KANSL2: variants seen among roughly 807,000 people sequenced by gnomAD.
The protein encoded by KANSL2 is NSL complex protein NSL2.
KANSL2 carries 34 observed loss-of-function variants against 55.6 expected under a neutral mutation model. That is an observed-to-expected ratio of 0.61 (90% CI 0.46 to 0.81). KANSL2 has a LOEUF of 0.81. Ranked by LOEUF, KANSL2 falls within the 40% of genes least tolerant of loss-of-function variation. The pLI, the probability that KANSL2 is intolerant of heterozygous loss-of-function variation, is 0.00. For missense variants in KANSL2, 502 were observed against 609.9 expected (o/e 0.82, Z 1.86); for synonymous variants, 209 against 214.3 (o/e 0.98, Z 0.22).
chr12:48,679,764 G>C lies in KANSL2; in HGVS notation c.321C>G (p.Asn107Lys). The change falls in exon 3 of 10, where the codon AAC becomes AAG. Residue 107 changes from asparagine to lysine, a missense_variant. Coordinates refer to ENST00000420613, the MANE Select transcript of KANSL2 (RefSeq NM_017822.4). ...GGAGTGTTTCACCCACAGGCCCTGG[G>C]TTGGTCTTCTTCATTTGAGCATGAA... ...LALHAQMKKT[N>K]PGPVGETLLC... 2 of 1,609,714 alleles carry C rather than the reference G, an allele frequency of 1.2e-6. No homozygotes were observed. Among genetic ancestry groups the C allele is most frequent in the Non-Finnish European group, 1.7e-6 (2 of 1,177,948 alleles).
rs1013660093 is a variant in KANSL2 at position 48,676,358 on chromosome 12, G to C, written c.545+2678C>G. Among the ~76,000 whole-genome samples, 3 of 151,990 alleles carry C rather than the reference G, an allele frequency of 2.0e-5. No homozygotes were observed. In the South Asian group the frequency reaches 6.2e-4, roughly 32 times the overall value. ...TGGGCTCAAGCAATCCTCCCACCTCGACCTCCCAAAGTGCTAGGATCACTG... is the reference window on the plus strand; with the variant it reads ...TGGGCTCAAGCAATCCTCCCACCTCCACCTCCCAAAGTGCTAGGATCACTG... On this transcript the variant is annotated intron_variant, in intron 4 of 9. Coordinates refer to ENST00000420613, the MANE Select transcript of KANSL2 (RefSeq NM_017822.4).
intron 7 of KANSL2, among the ~76,000 whole-genome samples, chr12:48,663,332 C>T (rs1939522658): frequency 6.6e-6 from 1 of 152,158 alleles, no homozygotes; most frequent in African/African-American, 2.4e-5. Flanking sequence ...GTCAATTTCA[C>T]CATACTCTCA....
At chr12:48,663,696 TAA>T (rs1397703919) in intron 7 of KANSL2, among the ~76,000 whole-genome samples, 1 of 152,144 alleles carries the variant, frequency 6.6e-6, no homozygotes, top group African/African-American at 2.4e-5. Flanking sequence ...ACACAATATA[TAA>T]GACATATAAA....
In KANSL2 at chr12:48,676,586, A is replaced by G. The variant is rs539173357; in HGVS notation, c.545+2450T>C. 2.0e-5 allele frequency among the ~76,000 whole-genome samples: 3 copies of G among 152,062 alleles called. No individual in the cohort carries two copies. In the East Asian group the frequency reaches 5.8e-4, roughly 30 times the overall value. ...GGCAGGAAAATCATTTGAACCCGGGAGGCGGAGGTTGCAGTGAGCTGAGAT... is the reference window on the plus strand; with the variant it reads ...GGCAGGAAAATCATTTGAACCCGGGGGGCGGAGGTTGCAGTGAGCTGAGAT... On this transcript the variant is annotated intron_variant, in intron 4 of 9. Transcript: ENST00000420613.
intron 7 of KANSL2, among the ~76,000 whole-genome samples, chr12:48,664,826 C>A (rs571221125): frequency 1.3e-5 from 2 of 151,296 alleles, no homozygotes; most frequent in South Asian, 4.2e-4. Context: ...TCGTGATCCA[C>A]CCATCTTGGC....
chr12:48,670,536 T>C (rs998620014), intron 5 of KANSL2, among the ~76,000 whole-genome samples: 7 of 152,184 alleles, frequency 4.6e-5, no homozygotes, highest in African/African-American at 1.4e-4. Context: ...TTAACAGAAG[T>C]TTAAAAGGAT....
At chr12:48,670,923 T>TA (rs1939700872) in intron 5 of KANSL2, among the ~76,000 whole-genome samples, 1 of 151,512 alleles carries the variant, frequency 6.6e-6, no homozygotes, top group Non-Finnish European at 1.5e-5. Flanking sequence ...AGGACTACGC[T>TA]ACTGCACTCT....
intron 8 of KANSL2, 90 bp downstream of exon 8, chr12:48,660,276 T>G: frequency 7.2e-7 from 1 of 1,397,406 alleles, no homozygotes; most frequent in Non-Finnish European, 9.8e-7. Flanking sequence ...TTGTCGATTC[T>G]CCTAACCACA....
At chr12:48,666,132 T>C (rs1939593813) in intron 7 of KANSL2, among the ~76,000 whole-genome samples, 4 of 152,134 alleles carry the variant, frequency 2.6e-5, no homozygotes. Context: ...GAAGATCGTT[T>C]AAGCCCAGCA....
In KANSL2 at chr12:48,671,091, C is replaced by G. The variant is rs543065199; in HGVS notation, c.709+708G>C. Among the ~76,000 whole-genome samples the G allele has an allele frequency of 5.3e-5, 8 of 151,906 alleles. No homozygotes were observed. In the East Asian group the frequency reaches 9.7e-4, roughly 18 times the overall value. On this transcript the variant is annotated intron_variant, in intron 5 of 9. Coordinates refer to ENST00000420613, the MANE Select transcript of KANSL2 (RefSeq NM_017822.4). ...AGCAGCCTGGCCAACATGGCAAAAC[C>G]CCCCCTCTACTAAAAATAAAAAAAT... is the stretch of plus-strand genomic sequence containing the variant.
rs1250338013 is a variant in KANSL2, at chr12:48,654,099, G to A, written c.1424C>T (p.Ser475Phe). The A allele has an allele frequency of 6.2e-7, 1 of 1,612,864 alleles. No individual in the cohort carries two copies. The highest frequency in any genetic ancestry group is 8.5e-7 in the Non-Finnish European group (1 of 1,179,358). ...ATTTGCAGTAGCCAATCCACTCTGA[G>A]ACAATGGTGCAGAGGCTTTCTCAGA... is the stretch of plus-strand genomic sequence containing the variant. Reference protein sequence around the residue: ...RNSEKASAPLSQSGLATANGK... With the variant: ...RNSEKASAPLFQSGLATANGK... Residue 475 changes from serine (S) to phenylalanine (F), a missense_variant, in exon 10 of 10, where the codon TCT becomes TTT. Ser to Phe is a radical substitution (Grantham distance 155). Coordinates refer to ENST00000420613, the MANE Select transcript of KANSL2 (RefSeq NM_017822.4).
intron 4 of KANSL2, among the ~76,000 whole-genome samples, chr12:48,677,494 G>T (rs983355086): frequency 1.3e-5 from 2 of 152,070 alleles, no homozygotes; most frequent in African/African-American, 2.4e-5. Context: ...GAAAAAAAAG[G>T]AATGAAGCTG....
Position 48,669,141 on chromosome 12 carries a change from G to A in KANSL2, c.841C>T (p.Arg281Trp), listed in dbSNP as rs1246309367. 4 of 1,550,326 alleles carry A rather than the reference G, an allele frequency of 2.6e-6. No individual in the cohort carries two copies. Among genetic ancestry groups the A allele is most frequent in the Non-Finnish European group, 3.5e-6 (4 of 1,146,474 alleles). ...GCACCATCTGTGGCCAGCATTCTCCGTTCCTTCAACTGCCTATGCAGTAAG... is the reference window on the plus strand; with the variant it reads ...GCACCATCTGTGGCCAGCATTCTCCATTCCTTCAACTGCCTATGCAGTAAG... The part of the protein sequence containing the change: ...EALLHRQLKE[R>W]RMLATDGAAQ... Residue 281 changes from arginine (R) to tryptophan (W), a missense_variant, in exon 6 of 10, where the codon CGG (arginine) becomes TGG (tryptophan). Arg to Trp is a moderately radical substitution (Grantham distance 101). Coordinates refer to ENST00000420613, the MANE Select transcript of KANSL2 (RefSeq NM_017822.4).
chr12:48,679,016 T>G lies in KANSL2; in HGVS notation c.545+20A>C, dbSNP rs1248054930. The G allele has an allele frequency of 6.6e-7, 1 of 1,523,460 alleles. No homozygotes were observed. The highest frequency in any genetic ancestry group is 2.2e-5 in the East Asian group (1 of 44,492). 94.4% of individuals were successfully genotyped at this position (1,523,460 alleles called of 1,614,324 possible). A position where few individuals can be genotyped will look rare whatever the true frequency, so the allele number is the denominator to read the frequency against. Reference sequence around the variant, plus strand: ...CATACTAACTACATTTCAAATGCCTTATGTGGAGTTACAACTTACTTTAGG... The same window carrying G: ...CATACTAACTACATTTCAAATGCCTGATGTGGAGTTACAACTTACTTTAGG... On this transcript the variant is annotated intron_variant, in intron 4 of 9. Coordinates refer to ENST00000420613, the MANE Select transcript of KANSL2 (RefSeq NM_017822.4).
At position 48,663,916 on chromosome 12, in the gene KANSL2, T is replaced by G. The variant is rs1295278670; in HGVS notation, c.974-3297A>C. ...ATACACACTTTTAACTATTAGCCTT[T>G]TTTTTTTTTTTTTTTTTTTGAGACA... On this transcript the variant is annotated intron_variant, in intron 7 of 9. Transcript: ENST00000420613. Among the ~76,000 whole-genome samples, 77 of 91,124 alleles carry G rather than the reference T, an allele frequency of 8.5e-4. 2 individuals carry two copies. Among genetic ancestry groups the G allele is most frequent in the African/African-American group, 2.4e-3 (76 of 31,706 alleles). The allele number at this position is 91,124 out of a possible 152,430, so 59.8% of individuals were successfully genotyped here.
In KANSL2 at chr12:48,681,589, C is replaced by T; in HGVS notation, c.44G>A (p.Arg15Lys). ...CTGAGACCTGGGCACTGGAGTGATCCTCCCCCGATTGGTTGGCAAGACGTG... is the reference window on the plus strand; with the variant it reads ...CTGAGACCTGGGCACTGGAGTGATCTTCCCCCGATTGGTTGGCAAGACGTG... ...RIHVLPTNRG[R>K]ITPVPRSQEP... Residue 15 changes from arginine (R) to lysine (K), a missense_variant, in exon 2 of 10, where the codon AGG becomes AAG. Physicochemically the swap from Arg to Lys is conservative, Grantham distance 26. Transcript: ENST00000420613. 2 of 1,613,980 alleles carry T rather than the reference C, an allele frequency of 1.2e-6. No homozygotes were observed. Among genetic ancestry groups the T allele is most frequent in the Non-Finnish European group, 1.7e-6 (2 of 1,179,888 alleles).
chr12:48,668,073 T>G (rs1939636384), intron 6 of KANSL2, among the ~76,000 whole-genome samples: 1 of 152,176 alleles, frequency 6.6e-6, no homozygotes, highest in Non-Finnish European at 1.5e-5. Flanking sequence ...ATTGCAGCCT[T>G]AAGTGGAATC....
At chr12:48,682,131 G>A (rs1304180921) in intron 1 of KANSL2, 56 bp downstream of exon 1, 1 of 702,818 alleles carries the variant, frequency 1.4e-6, no homozygotes, top group East Asian at 2.7e-5. Context: ...CTGACAAAAA[G>A]AGCGAAATAG....
chr12:48,672,433 A>ATTTTTTTTT (rs1555155470), intron 4 of KANSL2, among the ~76,000 whole-genome samples: 4 of 120,384 alleles, frequency 3.3e-5, no homozygotes, highest in African/African-American at 1.5e-4. Flanking sequence ...ATATATATAT[A>ATTTTTTTTT]TTTTTTTTTT....
Sources: allele counts gnomAD v4.1 joint callset (sites outside exome capture counted in the v4.1 genomes callset), GRCh38; gene constraint gnomAD v4.1.1; transcripts MANE v1.5; gene names NCBI Gene and HGNC (gene_info 2026-07-23, HGNC 2026-07-21).